LPP: variants seen among roughly 807,000 people sequenced by gnomAD.
LPP encodes lipoma-preferred partner.
In LPP, 38 loss-of-function variants were observed where a neutral mutation model predicts 60.4. The observed-to-expected ratio is 0.63, with a 90% CI of 0.49 to 0.83. The LOEUF (loss-of-function observed/expected upper bound fraction) is 0.83, where lower values mean the gene tolerates loss of function less well. Among genes scored for constraint, LPP ranks in the 40% least tolerant of loss-of-function variants. The pLI is 0.00. For synonymous variants in LPP, 328 were observed against 290.8 expected, an observed-to-expected ratio of 1.13 and a Z score of -1.30; for missense variants, 902 against 783.6, an observed-to-expected ratio of 1.15 and a Z score of -1.80.
intron 9 of LPP, among the ~76,000 whole-genome samples, chr3:188,771,051 T>C (rs1386904859): frequency 1.3e-5 from 2 of 152,206 alleles, no homozygotes; most frequent in Non-Finnish European, 2.9e-5. Context: ...TCATTTGTAC[T>C]ATCTATTATA....
At position 188,734,630 on chromosome 3, in the gene LPP, G is replaced by A. The variant is rs551892896; in HGVS notation, c.1241-25483G>A. ...TGTCCTAGGGGTGACTGGGAGACATGGGAATGGATTATTGTAACAGCCTGT... is the reference window on the plus strand; with the variant it reads ...TGTCCTAGGGGTGACTGGGAGACATAGGAATGGATTATTGTAACAGCCTGT... On this transcript the variant is annotated intron_variant, in intron 8 of 11. Transcript: ENST00000617246. Among the ~76,000 whole-genome samples, 10 of 152,298 alleles carry A rather than the reference G, an allele frequency of 6.6e-5. 1 individual carries two copies. In the South Asian group the frequency reaches 2.1e-3, roughly 32 times the overall value.
At chr3:188,432,658 A>G (rs1205646757) in intron 4 of LPP, among the ~76,000 whole-genome samples, 1 of 151,870 alleles carries the variant, frequency 6.6e-6, no homozygotes, top group Non-Finnish European at 1.5e-5. Flanking sequence ...GGTTCTTCCA[A>G]GTTGTATGAG....
chr3:188,227,765 A>G (rs542549807), intron 2 of LPP, among the ~76,000 whole-genome samples: 38 of 152,084 alleles, frequency 2.5e-4, no homozygotes, highest in Admixed American at 9.2e-4. Context: ...CAAACTATAG[A>G]TATCCCTGTT....
chr3:188,384,329 CATGT>C lies in LPP; in HGVS notation c.-9-21782_-9-21779del, dbSNP rs999502261. 2.0e-3 allele frequency among the ~76,000 whole-genome samples: 30 copies of C among 14,736 alleles called. 1 individual carries two copies. Among genetic ancestry groups the C allele is most frequent in the Admixed American group, 0.016 (17 of 1,050 alleles). The allele number at this position is 14,736 out of a possible 152,430, so 9.7% of individuals were successfully genotyped here. A position where few individuals can be genotyped will look rare whatever the true frequency, so the allele number is the denominator to read the frequency against. Reference sequence around the variant, plus strand: ...TTAGTTATGGTAGTGTATGTATGTGCATGTGTGTGTGTGTGTGTGTGTGTGTATA... The same window carrying C: ...TTAGTTATGGTAGTGTATGTATGTGCGTGTGTGTGTGTGTGTGTGTGTATA... On this transcript the variant is annotated intron_variant, in intron 3 of 11. Coordinates refer to ENST00000617246, the MANE Select transcript of LPP (RefSeq NM_001375462.1).
In LPP at chr3:188,837,961, C is replaced by T. The variant is rs532464262; in HGVS notation, c.1411-28239C>T. ...CATCTCTCTATCTAGTGTGGGAAAA[C>T]GTGAAACAACTTTGGGCCATAGATT... On this transcript the variant is annotated intron_variant, in intron 9 of 11. Coordinates refer to ENST00000617246, the MANE Select transcript of LPP (RefSeq NM_001375462.1). Among the ~76,000 whole-genome samples, 5 of 152,080 alleles carry T rather than the reference C, an allele frequency of 3.3e-5. No individual in the cohort carries two copies. In the East Asian group the frequency reaches 7.7e-4, roughly 24 times the overall value.
At chr3:188,427,908 C>T (rs570715948) in intron 4 of LPP, among the ~76,000 whole-genome samples, 108 of 152,020 alleles carry the variant, frequency 7.1e-4, no homozygotes, top group Non-Finnish European at 1.5e-3. Flanking sequence ...GTCCCCTTTC[C>T]AGGGGAGTGA....
intron 1 of LPP, among the ~76,000 whole-genome samples, chr3:188,190,612 G>C (rs1231831548): frequency 6.6e-6 from 1 of 152,188 alleles, no homozygotes; most frequent in Non-Finnish European, 1.5e-5. Flanking sequence ...AAGTAAACAG[G>C]TGCATATTTC....
At chr3:188,173,239 G>A (rs1317062209) in intron 1 of LPP, among the ~76,000 whole-genome samples, 2 of 152,186 alleles carry the variant, frequency 1.3e-5, no homozygotes, top group Non-Finnish European at 1.5e-5. Context: ...GGTGGCTCAT[G>A]CCTGTAATCC....
intron 2 of LPP, among the ~76,000 whole-genome samples, chr3:188,231,808 G>C (rs1030720039): frequency 3.3e-5 from 5 of 152,098 alleles, no homozygotes; most frequent in African/African-American, 1.2e-4. Context: ...AGGAAAAATA[G>C]GTCAAAAATT....
At chr3:188,644,712 G>C (rs142625208) in intron 7 of LPP, among the ~76,000 whole-genome samples, 2 of 152,096 alleles carry the variant, frequency 1.3e-5, no homozygotes, top group Admixed American at 1.3e-4. Flanking sequence ...TATCAGAAAA[G>C]AAAAGAGAAA....
chr3:188,194,208 G>T lies in LPP; in HGVS notation c.-189-31197G>T, dbSNP rs114334853. Among the ~76,000 whole-genome samples, 486 of 152,338 alleles carry T rather than the reference G, an allele frequency of 3.2e-3. 4 individuals are homozygous for T. Among genetic ancestry groups the T allele is most frequent in the African/African-American group, 0.011 (468 of 41,572 alleles). Reference sequence around the variant, plus strand: ...TTGATGGTAAATTTAGACAGCAAAAGAATCCAATTGATCATCTTAATTTTT... The same window carrying T: ...TTGATGGTAAATTTAGACAGCAAAATAATCCAATTGATCATCTTAATTTTT... On this transcript the variant is annotated intron_variant, in intron 1 of 11. Transcript: ENST00000617246.
At chr3:188,233,349 C>T (rs1396862224) in intron 2 of LPP, among the ~76,000 whole-genome samples, 1 of 152,160 alleles carries the variant, frequency 6.6e-6, no homozygotes, top group Non-Finnish European at 1.5e-5. Context: ...TACTCAGGTG[C>T]CATTAGCAAC....
intron 1 of LPP, among the ~76,000 whole-genome samples, chr3:188,185,983 TGA>T (rs1468805462): frequency 6.6e-6 from 1 of 152,172 alleles, no homozygotes; most frequent in Non-Finnish European, 1.5e-5. Flanking sequence ...TTTAGAAACC[TGA>T]GAGAAGAAAA....
At chr3:188,453,305 G>A (rs1477932114) in intron 4 of LPP, among the ~76,000 whole-genome samples, 1 of 152,080 alleles carries the variant, frequency 6.6e-6, no homozygotes, top group African/African-American at 2.4e-5. Flanking sequence ...GTAGGACTGG[G>A]CTTTTTTGTT....
chr3:188,445,126 C>G (rs1303646846), intron 4 of LPP, among the ~76,000 whole-genome samples: 3 of 152,194 alleles, frequency 2.0e-5, no homozygotes, highest in Non-Finnish European at 2.9e-5. Context: ...ACCCAACAAT[C>G]CCATTACTGG....
intron 1 of LPP, among the ~76,000 whole-genome samples, chr3:188,160,778 C>A (rs964551526): frequency 6.6e-6 from 1 of 152,228 alleles, no homozygotes; most frequent in Non-Finnish European, 1.5e-5. Flanking sequence ...GAGATAGGCT[C>A]TGCCTTCCAG....
intron 2 of LPP, among the ~76,000 whole-genome samples, chr3:188,271,081 C>T (rs1737574304): frequency 6.6e-6 from 1 of 152,142 alleles, no homozygotes; most frequent in Admixed American, 6.5e-5. Context: ...TCTAATTCTT[C>T]CAAATACTTT....
intron 8 of LPP, among the ~76,000 whole-genome samples, chr3:188,754,533 C>T (rs540956408): frequency 1.3e-5 from 2 of 152,208 alleles, no homozygotes; most frequent in African/African-American, 2.4e-5. Flanking sequence ...TAGGCACCCC[C>T]AGAACACTGA....
At chr3:188,274,842 G>A (rs753294313) in intron 2 of LPP, among the ~76,000 whole-genome samples, 7 of 152,178 alleles carry the variant, frequency 4.6e-5, no homozygotes, top group Admixed American at 1.3e-4. Flanking sequence ...TTTGTAATAA[G>A]CAGTTTCACC....
Sources: allele counts gnomAD v4.1 joint callset (sites outside exome capture counted in the v4.1 genomes callset), GRCh38; gene constraint gnomAD v4.1.1; transcripts MANE v1.5; gene names NCBI Gene and HGNC (gene_info 2026-07-23, HGNC 2026-07-21).